MYRFL: variants seen among roughly 807,000 people sequenced by gnomAD.
MYRFL encodes the protein myelin regulatory factor-like protein.
Under a neutral mutation model 109.4 loss-of-function variants are expected in MYRFL, and 88 were observed. The observed-to-expected ratio is 0.80, with a 90% CI of 0.68 to 0.96. MYRFL has a LOEUF of 0.96. MYRFL is among the 40% of genes least tolerant of loss of function. The pLI is 0.00. For synonymous variants in MYRFL, 324 were observed against 320.9 expected, an observed-to-expected ratio of 1.01 and a Z score of -0.10; for missense variants, 957 against 954.9, an observed-to-expected ratio of 1.00 and a Z score of -0.03.
chr12:69,933,822 T>TAAG (rs1955353793), intron 16 of MYRFL, among the ~76,000 whole-genome samples: 1 of 152,124 alleles, frequency 6.6e-6, no homozygotes, highest in African/African-American at 2.4e-5. Context: ...GGAAAAGTTA[T>TAAG]AAGAAGTCTA....
chr12:69,903,998 C>A, intron 11 of MYRFL, 154 bp downstream of exon 11: 1 of 629,204 alleles, frequency 1.6e-6, no homozygotes, highest in Non-Finnish European at 2.6e-6. Flanking sequence ...GACTGAGCTG[C>A]TGGGCATCTC....
chr12:69,907,046 T>G lies in MYRFL; in HGVS notation c.1384-2923T>G, dbSNP rs1954385286. Among the ~76,000 whole-genome samples, 5 of 152,168 alleles carry G rather than the reference T, an allele frequency of 3.3e-5. No individual in the cohort carries two copies. The South Asian group carries it at 1.0e-3, about 32-fold the overall frequency. Reference sequence around the variant, plus strand: ...TTGAAGAGCAAGGCACAGCAGTAAGTGCTGGCCTGGGTAGGGTTCCTGGGA... The same window carrying G: ...TTGAAGAGCAAGGCACAGCAGTAAGGGCTGGCCTGGGTAGGGTTCCTGGGA... On this transcript the variant is annotated intron_variant, in intron 11 of 24. Coordinates refer to ENST00000552032, the MANE Select transcript of MYRFL (RefSeq NM_182530.3).
chr12:69,896,815 G>T (rs534897733), intron 9 of MYRFL, among the ~76,000 whole-genome samples: 1 of 152,228 alleles, frequency 6.6e-6, no homozygotes, highest in South Asian at 2.1e-4. Context: ...GGACTGCAGC[G>T]TAGAGAGGCC....
At chr12:69,911,417 T>G (rs1003553994) in intron 13 of MYRFL, among the ~76,000 whole-genome samples, 1 of 152,252 alleles carries the variant, frequency 6.6e-6, no homozygotes, top group African/African-American at 2.4e-5. Context: ...GAGCATAGTT[T>G]TTTTGATGAA....
At chr12:69,857,860 C>T (rs1884393849) in intron 2 of MYRFL, among the ~76,000 whole-genome samples, 1 of 151,822 alleles carries the variant, frequency 6.6e-6, no homozygotes, top group South Asian at 2.1e-4. Flanking sequence ...TTGATACTTT[C>T]TTGCCTTGCT....
chr12:69,880,729 A>C (rs1886024172), intron 5 of MYRFL, among the ~76,000 whole-genome samples: 1 of 152,186 alleles, frequency 6.6e-6, no homozygotes, highest in African/African-American at 2.4e-5. Flanking sequence ...TGAGTTCTGC[A>C]TTTCTAACAA....
At chr12:69,953,227 T>A (rs1296885803) in intron 21 of MYRFL, among the ~76,000 whole-genome samples, 1 of 152,210 alleles carries the variant, frequency 6.6e-6, no homozygotes. Context: ...AAAGACATTG[T>A]TGCTCATGGC....
intron 1 of MYRFL, among the ~76,000 whole-genome samples, chr12:69,853,469 C>T (rs1410035217): frequency 6.6e-6 from 1 of 151,516 alleles, no homozygotes; most frequent in Admixed American, 6.6e-5. Flanking sequence ...CTCCTCAGTT[C>T]CCAGACGGAG....
At chr12:69,837,605 G>T (rs1021835279) in intron 1 of MYRFL, among the ~76,000 whole-genome samples, 2 of 152,214 alleles carry the variant, frequency 1.3e-5, no homozygotes, top group African/African-American at 4.8e-5. Context: ...AGATGAGGAA[G>T]TAGGCCCAGA....
In MYRFL at chr12:69,891,682, TTTCGTTCG is replaced by T. The variant is rs147744686; in HGVS notation, c.903+524_903+531del. ...CTTTCTTTCTTTCTTTCTTTCTTTC[TTTCGTTCG>T]TTCGTTCTTTCTTTCTTTTTTTCTT... On this transcript the variant is annotated intron_variant, in intron 7 of 24. Transcript: ENST00000552032. 3.7e-4 allele frequency among the ~76,000 whole-genome samples: 38 copies of T among 101,556 alleles called. 1 individual carries two copies. The highest frequency in any genetic ancestry group is 4.4e-3 in the Middle Eastern group (1 of 226). The allele number at this position is 101,556 out of a possible 152,430, so 66.6% of individuals were successfully genotyped here.
intron 10 of MYRFL, among the ~76,000 whole-genome samples, chr12:69,901,360 T>C (rs1169462381): frequency 6.6e-6 from 1 of 152,210 alleles, no homozygotes; most frequent in Non-Finnish European, 1.5e-5. Flanking sequence ...ACAGATCTTA[T>C]GAGAACATTT....
At chr12:69,839,530 G>C (rs932928848) in intron 1 of MYRFL, among the ~76,000 whole-genome samples, 1 of 152,018 alleles carries the variant, frequency 6.6e-6, no homozygotes, top group African/African-American at 2.4e-5. Flanking sequence ...AAAAAGCAAA[G>C]TTGTTCAGGA....
At chr12:69,930,245 G>C (rs1199207457) in intron 15 of MYRFL, among the ~76,000 whole-genome samples, 1 of 152,126 alleles carries the variant, frequency 6.6e-6, no homozygotes, top group Non-Finnish European at 1.5e-5. Flanking sequence ...TGAGCAGTTA[G>C]TGGGTCTTAC....
chr12:69,939,890 A>C (rs887412206), intron 19 of MYRFL, among the ~76,000 whole-genome samples: 1 of 152,246 alleles, frequency 6.6e-6, no homozygotes, highest in African/African-American at 2.4e-5. Context: ...GAACTACGTG[A>C]AGAATGCAGA....
chr12:69,889,137 T>C (rs1271888206), intron 6 of MYRFL, among the ~76,000 whole-genome samples: 2 of 151,924 alleles, frequency 1.3e-5, no homozygotes, highest in African/African-American at 4.8e-5. Context: ...CCATCCAAAT[T>C]GAGATCCCAG....
chr12:69,901,519 A>G (rs1312854649), intron 10 of MYRFL, among the ~76,000 whole-genome samples: 1 of 152,254 alleles, frequency 6.6e-6, no homozygotes, highest in African/African-American at 2.4e-5. Flanking sequence ...GTTCCAAAAA[A>G]TTAAATCCAC....
intron 19 of MYRFL, among the ~76,000 whole-genome samples, chr12:69,936,993 C>A (rs1383702633): frequency 1.3e-5 from 2 of 152,078 alleles, no homozygotes; most frequent in African/African-American, 4.8e-5. Context: ...GGGCTCTCTG[C>A]CTAAACTGAC....
At chr12:69,873,646 A>G (rs954135738) in intron 2 of MYRFL, among the ~76,000 whole-genome samples, 1 of 152,190 alleles carries the variant, frequency 6.6e-6, no homozygotes, top group Non-Finnish European at 1.5e-5. Flanking sequence ...AAAGGGGATG[A>G]TTCATGGTTT....
intron 16 of MYRFL, among the ~76,000 whole-genome samples, chr12:69,934,733 G>GTTGTC (rs1289667181): frequency 6.6e-6 from 1 of 152,178 alleles, no homozygotes; most frequent in African/African-American, 2.4e-5. Context: ...CTGAAGTCAG[G>GTTGTC]TCATCTCTTC....
Sources: allele counts gnomAD v4.1 joint callset (sites outside exome capture counted in the v4.1 genomes callset), GRCh38; gene constraint gnomAD v4.1.1; transcripts MANE v1.5; gene names NCBI Gene and HGNC (gene_info 2026-07-23, HGNC 2026-07-21).